The following RBBP5 variants were observed in gnomAD, a reference collection of about 807,000 sequenced individuals.
RBBP5 encodes retinoblastoma-binding protein 5.
Under a neutral mutation model 72.2 loss-of-function variants are expected in RBBP5, and 5 were observed. That is an observed-to-expected ratio of 0.07 (90% CI 0.04 to 0.15). The LOEUF is 0.15. Ranked by LOEUF, RBBP5 falls within the 10% of genes least tolerant of loss-of-function variation. The probability of loss-of-function intolerance (pLI) is 1.00; values close to 1 mark genes in which losing one functional copy is unlikely to be tolerated. For synonymous variants in RBBP5, 209 were observed against 237.2 expected (o/e 0.88, Z 1.09); for missense variants, 322 against 652.2 (o/e 0.49, Z 5.51).
At chr1:205,117,847 T>G (rs2102335635) in intron 1 of RBBP5, among the ~76,000 whole-genome samples, 1 of 152,158 alleles carries the variant, frequency 6.6e-6, no homozygotes, top group African/African-American at 2.4e-5. Context: ...CAGAGTTCGC[T>G]CTTGTCTCCC....
chr1:205,094,652 G>A (rs1260768390), intron 13 of RBBP5, among the ~76,000 whole-genome samples: 1 of 152,192 alleles, frequency 6.6e-6, no homozygotes, highest in Non-Finnish European at 1.5e-5. Context: ...GGGGAATGTA[G>A]ATTTATTGAA....
intron 10 of RBBP5, 145 bp downstream of exon 10, chr1:205,098,844 C>T: frequency 3.5e-6 from 1 of 282,952 alleles, no homozygotes; most frequent in Non-Finnish European, 5.8e-6. Flanking sequence ...AATTCCATCT[C>T]AAAAAAAAAA....
intron 3 of RBBP5, among the ~76,000 whole-genome samples, chr1:205,107,099 C>T (rs908644852): frequency 2.6e-5 from 4 of 151,244 alleles, no homozygotes; most frequent in African/African-American, 9.7e-5. Flanking sequence ...CACACACACA[C>T]ACATATGTAT....
intron 3 of RBBP5, 76 bp downstream of exon 3, chr1:205,114,713 T>C: frequency 7.8e-7 from 1 of 1,281,854 alleles, no homozygotes; most frequent in Non-Finnish European, 1.1e-6. Flanking sequence ...TATTAAAATA[T>C]CTACAATGAG....
At chr1:205,097,039 A>C in intron 11 of RBBP5, 128 bp from the exon 12 acceptor site, 1 of 821,196 alleles carries the variant, frequency 1.2e-6, no homozygotes, top group South Asian at 2.0e-5. Flanking sequence ...TAAGAAAGCC[A>C]AGAAGAATAA....
intron 13 of RBBP5, 55 bp downstream of exon 13, chr1:205,094,818 C>T (rs1018534505): frequency 3.9e-6 from 6 of 1,523,326 alleles, no homozygotes; most frequent in African/African-American, 1.4e-5. Flanking sequence ...AAGTCAAGGG[C>T]TACACAAAGC....
intron 1 of RBBP5, chr1:205,116,397 A>G (rs888856480): frequency 2.1e-5 from 6 of 290,900 alleles, no homozygotes; most frequent in Middle Eastern, 4.9e-4. Flanking sequence ...GGGACCCTCT[A>G]CTTCTTAAAA....
At chr1:205,106,145 G>C (rs1656056387) in intron 3 of RBBP5, among the ~76,000 whole-genome samples, 2 of 152,176 alleles carry the variant, frequency 1.3e-5, no homozygotes, top group Non-Finnish European at 2.9e-5. Context: ...TATCAGCAGA[G>C]ACCTAGTGGA....
Position 205,096,770 on chromosome 1 carries a change from C to G in RBBP5, c.1308G>C (p.Lys436Asn). The G allele has an allele frequency of 6.2e-7, 1 of 1,614,200 alleles. No homozygotes were observed. The change falls in exon 12 of 14, where the codon AAG becomes AAC. Residue 436 changes from lysine (K) to asparagine (N), a missense_variant. Around this residue, in one of 6 missense-constraint regions of RBBP5, gnomAD observed 109 missense variants for 146.3 expected, o/e 0.75. Coordinates refer to ENST00000264515, the MANE Select transcript of RBBP5 (RefSeq NM_005057.4). ...ACCCATCTGCTGAGGACTGCCTCTTCTTCTCTGAACTAGCCCCTTCATCCA... is the reference window on the plus strand; with the variant it reads ...ACCCATCTGCTGAGGACTGCCTCTTGTTCTCTGAACTAGCCCCTTCATCCA... Reference protein sequence around the residue: ...SLMDEGASSEKKRQSSADGSQ... With the variant: ...SLMDEGASSENKRQSSADGSQ...
At chr1:205,104,110 C>T (rs965495424) in intron 4 of RBBP5, 91 bp from the exon 5 acceptor site, 1 of 1,335,436 alleles carries the variant, frequency 7.5e-7, no homozygotes, top group Non-Finnish European at 1.0e-6. Context: ...TCCATACCCT[C>T]ATCAATTCTC....
chr1:205,121,357 T>C (rs976719642), intron 1 of RBBP5, among the ~76,000 whole-genome samples: 7 of 152,262 alleles, frequency 4.6e-5, no homozygotes, highest in African/African-American at 1.7e-4. Flanking sequence ...CTATGCCATT[T>C]ACTTGCTTAG....
Position 205,099,732 on chromosome 1 carries a change from A to C in RBBP5, c.978+9T>G, listed in dbSNP as rs781742862. ...ACTAGTTTCGAAGCAAGTAAAATAG[A>C]ATACTTACTACTTGATTCTGTGCCC... On this transcript the variant is annotated intron_variant, in intron 9 of 13. Coordinates refer to ENST00000264515, the MANE Select transcript of RBBP5 (RefSeq NM_005057.4). The surrounding 1 kb of genome is among the most constrained non-coding windows in gnomAD (Gnocchi z 4.7). 2 of 1,600,608 alleles carry C rather than the reference A, an allele frequency of 1.2e-6. No homozygotes were observed. The highest frequency in any genetic ancestry group is 2.2e-5 in the South Asian group (2 of 90,526).
intron 12 of RBBP5, among the ~76,000 whole-genome samples, chr1:205,095,697 T>C (rs1207702469): frequency 2.0e-5 from 3 of 152,188 alleles, no homozygotes; most frequent in Non-Finnish European, 1.5e-5. Flanking sequence ...TCTGTGAGAC[T>C]TTAGGCAAGT....
At chr1:205,116,044 G>A in intron 1 of RBBP5, 161 bp from the exon 2 acceptor site, 2 of 1,450,734 alleles carry the variant, frequency 1.4e-6, no homozygotes, top group Non-Finnish European at 1.9e-6. Flanking sequence ...ATCCTGCTAA[G>A]ATGACTTGTT....
chr1:205,119,429 G>A (rs1409150717), intron 1 of RBBP5, among the ~76,000 whole-genome samples: 4 of 152,104 alleles, frequency 2.6e-5, no homozygotes, highest in Non-Finnish European at 5.9e-5. Flanking sequence ...TCCTTCCTAA[G>A]TTTTATCCTA....
At chr1:205,103,773 A>T in intron 5 of RBBP5, 84 bp downstream of exon 5, 1 of 1,515,702 alleles carries the variant, frequency 6.6e-7, no homozygotes, top group Admixed American at 1.8e-5. Context: ...CCAAGAATAA[A>T]AACAATTTTC....
intron 12 of RBBP5, among the ~76,000 whole-genome samples, 188 bp downstream of exon 12, chr1:205,096,494 A>C (rs1655622358): frequency 6.6e-6 from 1 of 152,232 alleles, no homozygotes; most frequent in African/African-American, 2.4e-5. Flanking sequence ...TGAAGGGCAG[A>C]ATTTCTCCAT....
intron 6 of RBBP5, among the ~76,000 whole-genome samples, chr1:205,100,525 C>A (rs1454290603): frequency 2.0e-5 from 3 of 152,170 alleles, no homozygotes; most frequent in African/African-American, 7.2e-5. Flanking sequence ...TCTACTGAAA[C>A]CAGCTTCCTA....
At chr1:205,108,568 T>C (rs1166924006) in intron 3 of RBBP5, among the ~76,000 whole-genome samples, 1 of 152,058 alleles carries the variant, frequency 6.6e-6, no homozygotes, top group East Asian at 1.9e-4. Flanking sequence ...TAAAAACTTG[T>C]CCAAGTAGCC....
Sources: allele counts gnomAD v4.1 joint callset (sites outside exome capture counted in the v4.1 genomes callset), GRCh38; gene constraint gnomAD v4.1.1; regional missense constraint gnomAD v4.1.1; non-coding constraint Gnocchi (gnomAD v3.1); transcripts MANE v1.5; gene names NCBI Gene and HGNC (gene_info 2026-07-23, HGNC 2026-07-21).